Variants in DMD observed in about 807,000 individuals in gnomAD.
DMD encodes the protein dystrophin.
DMD carries 63 observed loss-of-function variants against 330.1 expected under a neutral mutation model. The ratio of observed to expected loss-of-function variants is 0.19; its 90% CI spans 0.16 to 0.24. The LOEUF (loss-of-function observed/expected upper bound fraction) is 0.24, where lower values mean the gene tolerates loss of function less well. Ranked by LOEUF, DMD falls within the 10% of genes least tolerant of loss-of-function variation. The pLI is 1.00. For synonymous variants in DMD, 1,223 were observed against 959.8 expected (o/e 1.27, Z -5.07); for missense variants, 3,344 against 2,684.1 (o/e 1.25, Z -5.43).
At chrX:32,000,276 T>C in intron 44 of DMD, among the ~76,000 whole-genome samples, 1 of 112,201 alleles carries the variant, frequency 8.9e-6, no homozygotes, top group East Asian at 2.8e-4. Context: ...CTTCAATGCC[T>C]TCTAAAACAT....
In DMD at chrX:31,943,608, T is replaced by G. The variant is rs184831592; in HGVS notation, c.6615-11381A>C. 4.6e-3 allele frequency among the ~76,000 whole-genome samples: 508 copies of G among 111,647 alleles called. 5 individuals carry two copies. The highest frequency in any genetic ancestry group is 0.016 in the African/African-American group (480 of 30,771). On this transcript the variant is annotated intron_variant, in intron 45 of 78. Transcript: ENST00000357033. ...GTTTCTTTATATTTCTCTTTCTTCC[T>G]AACCCACAACCAACTTTATCATTTA... is the stretch of plus-strand genomic sequence containing the variant.
At chrX:32,739,198 A>C (rs1164014972) in intron 7 of DMD, among the ~76,000 whole-genome samples, 1 of 111,831 alleles carries the variant, frequency 8.9e-6, no homozygotes, top group Non-Finnish European at 1.9e-5. Flanking sequence ...TACACAGCTA[A>C]AAAGTGGCAA....
chrX:31,442,092 A>G (rs748906047), intron 60 of DMD, among the ~76,000 whole-genome samples: 2 of 112,192 alleles, frequency 1.8e-5, no homozygotes, highest in Admixed American at 1.9e-4. Flanking sequence ...ATTAAAAGTT[A>G]GAGTTATACA....
intron 64 of DMD, among the ~76,000 whole-genome samples, chrX:31,213,539 C>T (rs181487022): frequency 1.0e-3 from 117 of 111,927 alleles, no homozygotes; most frequent in African/African-American, 2.4e-3. Context: ...GAAAATGCAT[C>T]GTGGTGTGGC....
Position 32,158,137 on chromosome X carries a change from T to G in DMD, c.6438+58779A>C, listed in dbSNP as rs372728282. On this transcript the variant is annotated intron_variant, in intron 44 of 78. Coordinates refer to ENST00000357033, the MANE Select transcript of DMD (RefSeq NM_004006.3). ...AGCTGTTTGACCTTGTACAAGTCAT[T>G]TAAACTTTCTGGCTTCAACTTCCAC... is the stretch of plus-strand genomic sequence containing the variant. Among the ~76,000 whole-genome samples the G allele has an allele frequency of 8.2e-4, 92 of 111,809 alleles. 3 individuals carry two copies. In the South Asian group the frequency reaches 0.033, roughly 40 times the overall value.
chrX:31,169,295 G>C, intron 74 of DMD, 148 bp downstream of exon 74: 1 of 442,453 alleles, frequency 2.3e-6, no homozygotes, highest in Non-Finnish European at 3.9e-6. Context: ...AAAAAAAAGA[G>C]AGAGAGAATC....
intron 55 of DMD, among the ~76,000 whole-genome samples, chrX:31,541,610 T>C (rs2073830075): frequency 1.8e-5 from 2 of 109,116 alleles, no homozygotes; most frequent in Admixed American, 9.9e-5. Context: ...GTCCTTGTGA[T>C]AGTTTGCTCA....
chrX:32,687,353 T>G (rs1457106532), intron 9 of DMD, among the ~76,000 whole-genome samples: 1 of 112,081 alleles, frequency 8.9e-6, no homozygotes, highest in African/African-American at 3.2e-5. Flanking sequence ...TACAATATGT[T>G]TCATCTTACA....
chrX:31,800,893 G>A (rs975320547), intron 50 of DMD, among the ~76,000 whole-genome samples: 1 of 111,293 alleles, frequency 9.0e-6, no homozygotes, highest in African/African-American at 3.3e-5. Context: ...GGACTTCATC[G>A]TCCACATCAC....
At chrX:32,433,117 A>G (rs1241745177) in intron 29 of DMD, among the ~76,000 whole-genome samples, 7 of 112,614 alleles carry the variant, frequency 6.2e-5, no homozygotes, top group African/African-American at 2.3e-4. Flanking sequence ...TTAAGACTCT[A>G]AATTTTATTT....
rs1261189487 is a variant in DMD at position 33,269,553 on chromosome X, T to TAAAAAAGTTGAAATTAAAAGTTGAAATA, written c.7+69705_7+69706insTATTTCAACTTTTAATTTCAACTTTTTT. The stretch of plus-strand genomic sequence containing the variant: ...GCATGTGTACTCCCTGTATGTAAAA[T>TAAAAAAGTTGAAATTAAAAGTTGAAATA]AAAAGTTGAAATTAAAAATAAAAGT... On this transcript the variant is annotated intron_variant, in intron 1 of 17. Coordinates refer to the DMD transcript ENST00000288447. Among the ~76,000 whole-genome samples the TAAAAAAGTTGAAATTAAAAGTTGAAATA allele has an allele frequency of 1.1e-3, 124 of 111,145 alleles. 1 individual carries two copies. Among genetic ancestry groups the TAAAAAAGTTGAAATTAAAAGTTGAAATA allele is most frequent in the African/African-American group, 4.0e-3 (122 of 30,502 alleles).
chrX:32,000,734 A>G (rs892442957), intron 44 of DMD, among the ~76,000 whole-genome samples: 5 of 112,108 alleles, frequency 4.5e-5, no homozygotes, highest in African/African-American at 6.5e-5. Context: ...GATAGTCATT[A>G]GCCACATGTG....
chrX:32,117,345 G>T (rs915040217), intron 44 of DMD, among the ~76,000 whole-genome samples: 4 of 111,554 alleles, frequency 3.6e-5, no homozygotes, highest in Non-Finnish European at 5.6e-5. Flanking sequence ...TATGTCAAAA[G>T]ACACATGAGA....
chrX:32,135,671 G>A lies in DMD; in HGVS notation c.6438+81245C>T, dbSNP rs758629872. Reference sequence around the variant, plus strand: ...CTGGATGGTTGAGGCAGTGAGCCATGAATGCACCACTGCACTCAAGCCTGG... The same window carrying A: ...CTGGATGGTTGAGGCAGTGAGCCATAAATGCACCACTGCACTCAAGCCTGG... On this transcript the variant is annotated intron_variant, in intron 44 of 78. Transcript: ENST00000357033. Among the ~76,000 whole-genome samples the A allele has an allele frequency of 5.8e-3, 656 of 112,538 alleles. 6 individuals are homozygous for A. Among genetic ancestry groups the A allele is most frequent in the Non-Finnish European group, 9.0e-3 (480 of 53,309 alleles).
chrX:31,732,219 C>T (rs1278940459), intron 51 of DMD, among the ~76,000 whole-genome samples: 3 of 111,413 alleles, frequency 2.7e-5, no homozygotes, highest in African/African-American at 9.8e-5. Context: ...CTTTTTATCC[C>T]ACTCTATGGT....
intron 54 of DMD, among the ~76,000 whole-genome samples, chrX:31,654,836 T>A (rs750144294): frequency 1.8e-5 from 2 of 110,599 alleles, no homozygotes; most frequent in Admixed American, 1.9e-4. Flanking sequence ...GGTGATGAAA[T>A]AATCTGTACA....
chrX:32,958,963 G>C (rs1191779713), intron 2 of DMD, among the ~76,000 whole-genome samples: 6 of 109,523 alleles, frequency 5.5e-5, no homozygotes, highest in Admixed American at 3.9e-4. Flanking sequence ...AATTTTTTGG[G>C]GGGGGATGAG....
chrX:32,480,455 T>C (rs1439407003), intron 21 of DMD, among the ~76,000 whole-genome samples: 1 of 104,720 alleles, frequency 9.5e-6, no homozygotes, highest in Non-Finnish European at 1.9e-5. Context: ...ACATACACAG[T>C]ATGTGTCTAC....
At chrX:32,509,431 A>T (rs1042767473) in intron 18 of DMD, among the ~76,000 whole-genome samples, 1 of 111,696 alleles carries the variant, frequency 9.0e-6, no homozygotes, top group African/African-American at 3.3e-5. Context: ...ATTTTGCTGA[A>T]AAAGGAAGAT....
Sources: gnomAD v4.1 joint callset for allele counts (sites outside exome capture counted in the v4.1 genomes callset) on GRCh38, gnomAD v4.1.1 for gene constraint, MANE v1.5 for transcripts, NCBI Gene and HGNC (gene_info 2026-07-23, HGNC 2026-07-21) for gene names.